GNAI1: variants seen among roughly 807,000 people sequenced by gnomAD.
The protein encoded by GNAI1 is guanine nucleotide-binding protein G(i) subunit alpha-1.
In GNAI1, 11 loss-of-function variants were observed where a neutral mutation model predicts 38.9. That is an observed-to-expected ratio of 0.28 (90% CI 0.18 to 0.47). The LOEUF is 0.47. GNAI1 is among the 20% of genes least tolerant of loss of function. The pLI, the probability that GNAI1 is intolerant of heterozygous loss-of-function variation, is 0.99. For missense variants in GNAI1, 317 were observed against 436.9 expected (o/e 0.73, Z 2.45); for synonymous variants, 166 against 145.1 (o/e 1.14, Z -1.04).
intron 1 of GNAI1, among the ~76,000 whole-genome samples, chr7:80,142,865 G>A (rs1313710304): frequency 4.0e-5 from 6 of 151,166 alleles, no homozygotes; most frequent in Non-Finnish European, 5.9e-5. Context: ...AAGTGGTAGA[G>A]TGAAATGTGA....
chr7:80,207,450 G>C (rs1788795526), intron 5 of GNAI1, among the ~76,000 whole-genome samples: 1 of 151,956 alleles, frequency 6.6e-6, no homozygotes, highest in Non-Finnish European at 1.5e-5. Flanking sequence ...ACTCCATTTA[G>C]GCTTCTTGGT....
intron 1 of GNAI1, among the ~76,000 whole-genome samples, chr7:80,138,651 AATATT>A (rs1787469378): frequency 6.6e-6 from 1 of 152,102 alleles, no homozygotes. Flanking sequence ...GTACTTATGA[AATATT>A]ATTTTATTAT....
intron 3 of GNAI1, among the ~76,000 whole-genome samples, chr7:80,189,869 C>T (rs1051160185): frequency 2.6e-5 from 4 of 151,862 alleles, no homozygotes; most frequent in Non-Finnish European, 4.4e-5. Flanking sequence ...CCTGTGCCTC[C>T]TCATTTGGCC....
In GNAI1 at chr7:80,135,206, A is replaced by G; in HGVS notation, c.46A>G (p.Ser16Gly). 6.4e-7 allele frequency: 1 copy of G among 1,559,086 alleles called. No individual in the cohort carries two copies. Among genetic ancestry groups the G allele is most frequent in the South Asian group, 1.2e-5 (1 of 84,784 alleles). ...CGAGGACAAGGCGGCGGTGGAGCGG[A>G]GTAAGATGATCGACCGCAACCTCCG... ...SAEDKAAVER[S>G]KMIDRNLRED... is the part of the protein sequence containing the mutation. The change falls in exon 1 of 8, where the codon AGT becomes GGT. Residue 16 changes from serine to glycine, a missense_variant. By Grantham distance (56) the Ser-to-Gly change is moderately conservative. Transcript: ENST00000649796.
chr7:80,197,108 C>T (rs190654804), intron 3 of GNAI1, among the ~76,000 whole-genome samples: 21 of 151,694 alleles, frequency 1.4e-4, no homozygotes, highest in Non-Finnish European at 2.2e-4. Flanking sequence ...TCCTCCCCCA[C>T]CCCATAACCA....
chr7:80,135,297 G>A lies in GNAI1; in HGVS notation c.118+19G>A. 7.3e-7 allele frequency: 1 copy of A among 1,363,534 alleles called. No individual in the cohort carries two copies. Among genetic ancestry groups the A allele is most frequent in the Non-Finnish European group, 9.6e-7 (1 of 1,037,418 alleles). 84.5% of individuals were successfully genotyped at this position (1,363,534 alleles called of 1,614,324 possible). On this transcript the variant is annotated intron_variant, in intron 1 of 7. Coordinates refer to ENST00000649796, the MANE Select transcript of GNAI1 (RefSeq NM_002069.6). ...CTGCTCGGTAAGGGCGGCCGGGTCG[G>A]GGCCCGGGGGTCGGCGGGGGACCGG...
chr7:80,214,187 C>T (rs1465190848), intron 7 of GNAI1, among the ~76,000 whole-genome samples: 1 of 152,146 alleles, frequency 6.6e-6, no homozygotes, highest in African/African-American at 2.4e-5. Context: ...TGAAATTACA[C>T]TTCAGTTCAA....
At position 80,221,417 on chromosome 7, in the gene GNAI1, A is replaced by G. The variant is rs1376779323; in HGVS notation, c.*3924A>G. Among the ~76,000 whole-genome samples, 1 of 152,156 alleles carries G rather than the reference A, an allele frequency of 6.6e-6. No individual in the cohort carries two copies. Among genetic ancestry groups the G allele is most frequent in the Non-Finnish European group, 1.5e-5 (1 of 68,034 alleles). Reference sequence around the variant, plus strand: ...GTTTTAAGGTGCCTTTAAAATCATAATCAGTGCTTAACAAATGGTTGTTGA... The same window carrying G: ...GTTTTAAGGTGCCTTTAAAATCATAGTCAGTGCTTAACAAATGGTTGTTGA... On this transcript the variant is annotated 3_prime_UTR_variant, in exon 8 of 8. Coordinates refer to ENST00000649796, the MANE Select transcript of GNAI1 (RefSeq NM_002069.6).
chr7:80,192,472 C>G (rs1788498507), intron 3 of GNAI1, among the ~76,000 whole-genome samples: 1 of 152,128 alleles, frequency 6.6e-6, no homozygotes, highest in Admixed American at 6.5e-5. Context: ...TTTCTGGACT[C>G]CAGTTTTTCT....
At chr7:80,183,910 C>T (rs1035344425) in intron 1 of GNAI1, among the ~76,000 whole-genome samples, 6 of 152,028 alleles carry the variant, frequency 3.9e-5, no homozygotes, top group East Asian at 1.9e-4. Flanking sequence ...TGGATCCTAC[C>T]GGTAGGCTGC....
chr7:80,137,703 C>A (rs148239244), intron 1 of GNAI1, among the ~76,000 whole-genome samples: 79 of 152,238 alleles, frequency 5.2e-4, no homozygotes, highest in African/African-American at 1.9e-3. Context: ...TGACTGAATT[C>A]TTTTGGCTGT....
chr7:80,212,898 C>T, intron 7 of GNAI1, 29 bp downstream of exon 7: 1 of 1,450,196 alleles, frequency 6.9e-7, no homozygotes, highest in Non-Finnish European at 9.4e-7. Flanking sequence ...AATAACTTGT[C>T]AAGTTACATA....
intron 1 of GNAI1, among the ~76,000 whole-genome samples, chr7:80,155,260 A>G (rs1787797911): frequency 6.6e-6 from 1 of 152,162 alleles, no homozygotes; most frequent in South Asian, 2.1e-4. Flanking sequence ...CAAACACAGG[A>G]ATTATTTTGG....
chr7:80,200,331 A>AAAAC lies in GNAI1; in HGVS notation c.461+952_461+953insCAAA, dbSNP rs1344101650. Among the ~76,000 whole-genome samples the AAAAC allele has an allele frequency of 4.7e-5, 7 of 149,704 alleles. No individual in the cohort carries two copies. In the East Asian group the frequency reaches 9.7e-4, roughly 21 times the overall value. ...TGGAGTGAGGCCATGTCTCAAAAAA[A>AAAAC]AAAAAAAAAAAAAAAACCTAATCAG... is the stretch of plus-strand genomic sequence containing the variant. On this transcript the variant is annotated intron_variant, in intron 4 of 7. Coordinates refer to ENST00000649796, the MANE Select transcript of GNAI1 (RefSeq NM_002069.6).
chr7:80,214,327 A>T (rs953104206), intron 7 of GNAI1, among the ~76,000 whole-genome samples: 1 of 152,014 alleles, frequency 6.6e-6, no homozygotes, highest in Admixed American at 6.6e-5. Context: ...AGATGGCTTA[A>T]TTTTTCCCTT....
intron 3 of GNAI1, among the ~76,000 whole-genome samples, chr7:80,193,115 GT>G (rs1226071838): frequency 6.6e-6 from 1 of 151,996 alleles, no homozygotes; most frequent in Non-Finnish European, 1.5e-5. Context: ...ACCTGGTAGA[GT>G]AAGCGCACCC....
intron 3 of GNAI1, among the ~76,000 whole-genome samples, chr7:80,196,509 G>A (rs1012319270): frequency 6.6e-6 from 1 of 151,838 alleles, no homozygotes; most frequent in African/African-American, 2.4e-5. Context: ...CTCATTCCAT[G>A]GCAAGATAAA....
chr7:80,202,723 T>C (rs911823841), intron 4 of GNAI1, among the ~76,000 whole-genome samples: 59 of 152,226 alleles, frequency 3.9e-4, no homozygotes, highest in African/African-American at 1.4e-3. Flanking sequence ...AGTCACCTTA[T>C]AGGTCTCGTA....
intron 1 of GNAI1, chr7:80,136,012 C>G: frequency 1.0e-6 from 1 of 985,442 alleles, no homozygotes; most frequent in Non-Finnish European, 1.2e-6. Context: ...GCGAGAGGGT[C>G]ACGCCAGACA....
Sources: allele counts gnomAD v4.1 joint callset (sites outside exome capture counted in the v4.1 genomes callset), GRCh38; gene constraint gnomAD v4.1.1; transcripts MANE v1.5; gene names NCBI Gene and HGNC (gene_info 2026-07-23, HGNC 2026-07-21).